SREBF1: variants seen among roughly 807,000 people sequenced by gnomAD.
SREBF1 encodes sterol regulatory element binding transcription factor 1, also known as sterol regulatory element-binding protein 1.
SREBF1 carries 45 observed loss-of-function variants against 100.1 expected under a neutral mutation model. That is an observed-to-expected ratio of 0.45 (90% confidence interval 0.35 to 0.58). SREBF1 has a LOEUF of 0.58. SREBF1 is among the 20% of genes least tolerant of loss of function. The pLI is 0.00. For missense variants in SREBF1, 1,324 were observed against 1,539.4 expected (o/e 0.86, Z 2.34); for synonymous variants, 657 against 681.8 (o/e 0.96, Z 0.57).
In SREBF1 at chr17:17,812,778, G is replaced by A. The variant is rs2033037550; in HGVS notation, c.3288C>T (p.Tyr1096=). 1.3e-6 allele frequency: 2 copies of A among 1,528,430 alleles called. No homozygotes were observed. Among genetic ancestry groups the A allele is most frequent in the South Asian group, 2.4e-5 (2 of 84,110 alleles). 94.7% of individuals were successfully genotyped at this position (1,528,430 alleles called of 1,614,324 possible). A position where few individuals can be genotyped will look rare whatever the true frequency, so the allele number is the denominator to read the frequency against. Reference sequence around the variant, plus strand: ...GCGCCGACAGGAAGCCGGGGGGCAGGTAGCAGGAGGCCAGCAGCAAGGCCT... The same window carrying A: ...GCGCCGACAGGAAGCCGGGGGGCAGATAGCAGGAGGCCAGCAGCAAGGCCT... ...HAEALLLASC[Y]LPPGFLSAPG... The change falls in exon 19 of 19, where the codon TAC becomes TAT. Residue 1096 remains tyrosine (Y), a synonymous_variant. Coordinates refer to ENST00000261646, the MANE Select transcript of SREBF1 (RefSeq NM_004176.5).
chr17:17,819,668 G>C lies in SREBF1; in HGVS notation c.581C>G (p.Pro194Arg). ...GTGCAAGGAGACGGGCGGGACCCCT[G>C]GCGGGGAAGCCAGTGGCAGGCCAGG... ...PLPGLPLASP[P>R]GVPPVSLHTQ... The change falls in exon 3 of 19, where the codon CCA (proline) becomes CGA (arginine). Residue 194 changes from proline to arginine, a missense_variant. By Grantham distance (103) the Pro-to-Arg change is moderately radical (BLOSUM62 -2). Transcript: ENST00000261646. The C allele has an allele frequency of 6.2e-7, 1 of 1,611,888 alleles. No individual in the cohort carries two copies. The highest frequency in any genetic ancestry group is 8.5e-7 in the Non-Finnish European group (1 of 1,179,268).
At chr17:17,821,728 C>T (rs1013841233) in intron 1 of SREBF1, among the ~76,000 whole-genome samples, 1 of 152,196 alleles carries the variant, frequency 6.6e-6, no homozygotes, top group Middle Eastern at 3.4e-3. Context: ...CCTAGGGCAG[C>T]GCAGGATCCC....
In SREBF1 at chr17:17,812,214, T is replaced by C; in HGVS notation, c.*408A>G. 2.5e-6 allele frequency: 1 copy of C among 395,262 alleles called. No homozygotes were observed. The highest frequency in any genetic ancestry group is 4.7e-6 in the Non-Finnish European group (1 of 213,102). The allele number at this position is 395,262 out of a possible 1,614,324, so 24.5% of individuals were successfully genotyped here. A position where few individuals can be genotyped will look rare whatever the true frequency, so the allele number is the denominator to read the frequency against. On this transcript the variant is annotated 3_prime_UTR_variant, in exon 19 of 19. Coordinates refer to ENST00000261646, the MANE Select transcript of SREBF1 (RefSeq NM_004176.5). ...GACCTACACTATGTACACGTCTCTC[T>C]CCCACGACGGAGAGAGAGGCCTCTG...
chr17:17,827,459 C>T (rs2034562675), intron 1 of SREBF1, among the ~76,000 whole-genome samples: 1 of 152,212 alleles, frequency 6.6e-6, no homozygotes, highest in African/African-American at 2.4e-5. Flanking sequence ...TGGGCTGCAC[C>T]CCACCTGCTG....
rs753808808 is a variant in SREBF1 at position 17,836,861 on chromosome 17, C to A, written c.-44G>T. On this transcript the variant is annotated 5_prime_UTR_variant, in exon 1 of 19. Transcript: ENST00000261646. ...GGGAGGCCCGCCGGGCCCGCCGCCTCGTACGGCCCTTCCTAGGGAGCGCCG... is the reference window on the plus strand; with the variant it reads ...GGGAGGCCCGCCGGGCCCGCCGCCTAGTACGGCCCTTCCTAGGGAGCGCCG... 2 of 1,503,014 alleles carry A rather than the reference C, an allele frequency of 1.3e-6. No individual in the cohort carries two copies. Among genetic ancestry groups the A allele is most frequent in the Non-Finnish European group, 1.8e-6 (2 of 1,129,690 alleles). The allele number at this position is 1,503,014 out of a possible 1,614,324, so 93.1% of individuals were successfully genotyped here. A position where few individuals can be genotyped will look rare whatever the true frequency, so the allele number is the denominator to read the frequency against.
intron 5 of SREBF1, chr17:17,818,714 C>G (rs2033846497): frequency 1.8e-6 from 1 of 562,112 alleles, no homozygotes; most frequent in Non-Finnish European, 3.2e-6. Context: ...GTCTCGAGCA[C>G]TTATTCATCC....
In SREBF1 at chr17:17,817,520, G is replaced by A; in HGVS notation, c.1405-63C>T. On this transcript the variant is annotated intron_variant, in intron 7 of 18. Coordinates refer to ENST00000261646, the MANE Select transcript of SREBF1 (RefSeq NM_004176.5). This position sits in a 1 kb window ranked among gnomAD's most constrained non-coding sequence, Gnocchi z 6.6. ...AGGGACCCCAGAGAGCATGGGGCTG[G>A]GAAGGGGGGGGTCAGGATTCTGCCC... 6.5e-7 allele frequency: 1 copy of A among 1,544,308 alleles called. No homozygotes were observed.
chr17:17,818,893 C>T, intron 5 of SREBF1, 120 bp downstream of exon 5: 7 of 1,225,558 alleles, frequency 5.7e-6, no homozygotes, highest in Non-Finnish European at 8.3e-6. Context: ...CCTGGGGAGG[C>T]TGAATTCCAA....
intron 15 of SREBF1, 100 bp downstream of exon 15, chr17:17,814,515 A>G: frequency 1.3e-6 from 2 of 1,535,210 alleles, no homozygotes; most frequent in Non-Finnish European, 1.7e-6. Context: ...AAAGGTGGTG[A>G]CTCCTCCTGC....
In SREBF1 at chr17:17,836,881, G is replaced by A. The variant is rs2035278535; in HGVS notation, c.-64C>T. 7.1e-7 allele frequency: 1 copy of A among 1,405,384 alleles called. No homozygotes were observed. Among genetic ancestry groups the A allele is most frequent in the East Asian group, 2.9e-5 (1 of 34,422 alleles). The allele number at this position is 1,405,384 out of a possible 1,614,324, so 87.1% of individuals were successfully genotyped here. On this transcript the variant is annotated 5_prime_UTR_variant, in exon 1 of 19. Coordinates refer to ENST00000261646, the MANE Select transcript of SREBF1 (RefSeq NM_004176.5). ...CGCCTCGTACGGCCCTTCCTAGGGA[G>A]CGCCGCCGCGGCCCCGGCTCTCAGT...
rs772981357 is a variant in SREBF1 at position 17,817,850 on chromosome 17, A to ACGC, written c.1247_1249dup (p.Gly416dup). 4.5e-5 allele frequency: 73 copies of ACGC among 1,608,082 alleles called. No individual in the cohort carries two copies. The highest frequency in any genetic ancestry group is 6.0e-5 in the Non-Finnish European group (71 of 1,179,956). ...CAGTGTGTCCTCCACCTCAGTCTTC[A>ACGC]CGCCCTCCATGAGCACGTCTGTGTT... On this transcript the variant is annotated inframe_insertion, in exon 7 of 19. Transcript: ENST00000261646. This position sits in a 1 kb window ranked among gnomAD's most constrained non-coding sequence, Gnocchi z 6.6.
intron 15 of SREBF1, 55 bp downstream of exon 15, chr17:17,814,560 G>C: frequency 1.3e-6 from 2 of 1,536,258 alleles, no homozygotes; most frequent in Non-Finnish European, 1.7e-6. Flanking sequence ...CAGTGCCCAG[G>C]GGATGAGGAA....
rs749919446 is a variant in SREBF1 at position 17,819,364 on chromosome 17, T to C, written c.802A>G (p.Ser268Gly). 1 of 1,613,812 alleles carries C rather than the reference T, an allele frequency of 6.2e-7. No individual in the cohort carries two copies. Reference sequence around the variant, plus strand: ...ACAGTGGTGCCAGAGACCAGGGGACTGAGACCTGCCGCCTTCACAGTGGCT... The same window carrying C: ...ACAGTGGTGCCAGAGACCAGGGGACCGAGACCTGCCGCCTTCACAGTGGCT... Reference protein sequence around the residue: ...DGATVKAAGLSPLVSGTTVQT... With the variant: ...DGATVKAAGLGPLVSGTTVQT... Residue 268 changes from serine to glycine, a missense_variant, in exon 4 of 19, where the codon AGT becomes GGT. Physicochemically the swap from Ser to Gly is moderately conservative, Grantham distance 56 (BLOSUM62 0). Transcript: ENST00000261646.
chr17:17,825,722 C>T (rs1315547665), intron 1 of SREBF1, among the ~76,000 whole-genome samples: 1 of 151,630 alleles, frequency 6.6e-6, no homozygotes, highest in East Asian at 1.9e-4. Context: ...ACTCTCCTGC[C>T]TCAGCCTCCT....
intron 1 of SREBF1, chr17:17,823,610 G>A (rs1388185659): frequency 5.6e-6 from 9 of 1,610,064 alleles, no homozygotes; most frequent in Non-Finnish European, 6.8e-6. Flanking sequence ...GACTTCACCT[G>A]TCAAGGCGCG....
At position 17,817,949 on chromosome 17, in the gene SREBF1, A is replaced by G; in HGVS notation, c.1184-33T>C. ...CCGAAAGGAACAGAGCCAGGAGTAA[A>G]GGCTGGATATGTGACCCCAAATCAG... On this transcript the variant is annotated intron_variant, in intron 6 of 18. Transcript: ENST00000261646. The surrounding 1 kb of genome is among the most constrained non-coding windows in gnomAD (Gnocchi z 6.6). 6.3e-7 allele frequency: 1 copy of G among 1,594,246 alleles called. No individual in the cohort carries two copies. The highest frequency in any genetic ancestry group is 8.5e-7 in the Non-Finnish European group (1 of 1,175,156).
At position 17,815,394 on chromosome 17, in the gene SREBF1, C is replaced by T; in HGVS notation, c.2384-65G>A. 2.1e-6 allele frequency: 3 copies of T among 1,404,906 alleles called. No homozygotes were observed. The Admixed American group carries it at 5.1e-5, about 24-fold the overall frequency. The allele number at this position is 1,404,906 out of a possible 1,614,324, so 87.0% of individuals were successfully genotyped here. A position where few individuals can be genotyped will look rare whatever the true frequency, so the allele number is the denominator to read the frequency against. Reference sequence around the variant, plus strand: ...CCCACCCTCCTCTCCAAGCTAAGGGCTTTTTCCTGGGTGGGCTGGGGCCAC... The same window carrying T: ...CCCACCCTCCTCTCCAAGCTAAGGGTTTTTTCCTGGGTGGGCTGGGGCCAC... On this transcript the variant is annotated intron_variant, in intron 12 of 18. Transcript: ENST00000261646.
chr17:17,814,483 T>A, intron 15 of SREBF1, 73 bp from the exon 16 acceptor site: 1 of 1,541,524 alleles, frequency 6.5e-7, no homozygotes, highest in Admixed American at 2.0e-5. Context: ...CCCACTTCCC[T>A]GGCTCGAGTT....
intron 1 of SREBF1, among the ~76,000 whole-genome samples, chr17:17,831,830 G>A (rs2143155508): frequency 6.6e-6 from 1 of 152,322 alleles, no homozygotes; most frequent in South Asian, 2.1e-4. Flanking sequence ...ACCCACAGAT[G>A]CAAGGACTCA....
Sources: gnomAD v4.1 joint callset for allele counts (sites outside exome capture counted in the v4.1 genomes callset) on GRCh38, gnomAD v4.1.1 for gene constraint, Gnocchi (gnomAD v3.1) non-coding constraint, MANE v1.5 for transcripts, NCBI Gene and HGNC (gene_info 2026-07-23, HGNC 2026-07-21) for gene names.